Variants in ZNF185 observed in about 807,000 individuals in gnomAD.
The protein encoded by ZNF185 is zinc finger protein 185.
In ZNF185, 56 loss-of-function variants were observed where a neutral mutation model predicts 58.6. That is an observed-to-expected ratio of 0.95 (90% CI 0.77 to 1.19). The LOEUF is 1.19. Ranked by LOEUF, ZNF185 falls within the 50% of genes most tolerant of loss-of-function variation. The pLI, the probability that ZNF185 is intolerant of heterozygous loss-of-function variation, is 0.00. For synonymous variants in ZNF185, 230 were observed against 215.9 expected (o/e 1.07, Z -0.57); for missense variants, 627 against 573.5 (o/e 1.09, Z -0.95).
rs945534515 is a variant in ZNF185, at chrX:152,937,952, C to G, written c.1122-122C>G. ...CCACACTAATGCCAGGACTGAGACA[C>G]CAGCCTTTACTGGAAGACACAGTTC... On this transcript the variant is annotated intron_variant, in intron 14 of 22. Transcript: ENST00000449285. 87 of 624,416 alleles carry G rather than the reference C, an allele frequency of 1.4e-4. 3 individuals carry two copies. The African/African-American group carries it at 1.5e-3, about 10-fold the overall frequency. 51.5% of individuals were successfully genotyped at this position (624,416 alleles called of 1,213,427 possible).
intron 16 of ZNF185, among the ~76,000 whole-genome samples, chrX:152,956,357 G>C (rs2048826446): frequency 8.9e-6 from 1 of 112,088 alleles, no homozygotes; most frequent in African/African-American, 3.2e-5. Context: ...ATCTGCACTT[G>C]ATATACATAT....
In ZNF185 at chrX:152,917,268, C is replaced by T; in HGVS notation, c.264-17C>T. On this transcript the variant is annotated splice_polypyrimidine_tract_variant and intron_variant, in intron 4 of 22. Coordinates refer to ENST00000449285, the Ensembl canonical transcript of ZNF185. ...CCCTCCAGGGAGCTCACCGGCATCT[C>T]CTGGGCTCTCTTTCAGGGGAGTGTT... 1 of 1,211,622 alleles carries T rather than the reference C, an allele frequency of 8.3e-7. No homozygotes were observed. Among genetic ancestry groups the T allele is most frequent in the South Asian group, 1.8e-5 (1 of 57,021 alleles).
At chrX:152,935,716 G>T (rs2046204514) in intron 14 of ZNF185, among the ~76,000 whole-genome samples, 1 of 112,385 alleles carries the variant, frequency 8.9e-6, no homozygotes, top group Non-Finnish European at 1.9e-5. Flanking sequence ...TGGTTTCAGA[G>T]GCCAGGGTCT....
chrX:152,913,849 G>A (rs1413086527), upstream of ZNF185, among the ~76,000 whole-genome samples: 1 of 112,088 alleles, frequency 8.9e-6, no homozygotes, highest in African/African-American at 3.2e-5. Flanking sequence ...CATCCTCACA[G>A]CAGTCCTGAA....
At chrX:152,972,459 C>A (rs782511607) in exon 23 of ZNF185, 4 of 110,292 alleles carry the variant, frequency 3.6e-5, no homozygotes, top group East Asian at 2.9e-4. Context: ...TATCCCCCCC[C>A]CCATGAAGTA....
intron 16 of ZNF185, among the ~76,000 whole-genome samples, chrX:152,951,340 A>T (rs1455657275): frequency 9.2e-6 from 1 of 108,344 alleles, no homozygotes; most frequent in Non-Finnish European, 1.9e-5. Context: ...TTTTTTGAAA[A>T]TCTTATAAAT....
intron 16 of ZNF185, among the ~76,000 whole-genome samples, chrX:152,955,899 T>TAA (rs77247991): frequency 3.4e-5 from 3 of 89,216 alleles, no homozygotes; most frequent in Non-Finnish European, 6.7e-5. Flanking sequence ...AGACTCCACC[T>TAA]AAAAAAAAAA....
chrX:152,953,197 A>G (rs1463441084), intron 16 of ZNF185, among the ~76,000 whole-genome samples: 2 of 111,701 alleles, frequency 1.8e-5, no homozygotes, highest in Non-Finnish European at 3.8e-5. Context: ...GAAAACTTCT[A>G]TCCAGGACGA....
chrX:152,935,933 C>G (rs782707179), intron 14 of ZNF185, among the ~76,000 whole-genome samples: 39 of 111,949 alleles, frequency 3.5e-4, no homozygotes, highest in Admixed American at 1.9e-4. Context: ...ACATTCCCCA[C>G]TAAATCCATA....
chrX:152,949,087 G>A (rs2048049080), intron 16 of ZNF185, among the ~76,000 whole-genome samples: 1 of 104,434 alleles, frequency 9.6e-6, no homozygotes, highest in Non-Finnish European at 2.0e-5. Flanking sequence ...GACGGAGAGG[G>A]AAGTGACAAT....
intron 22 of ZNF185, 47 bp downstream of exon 24, chrX:152,970,588 G>C: frequency 9.0e-7 from 1 of 1,113,196 alleles, no homozygotes; most frequent in Non-Finnish European, 1.2e-6. Flanking sequence ...GACTCATTAA[G>C]GAGTAGAGAT....
intron 11 of ZNF185, among the ~76,000 whole-genome samples, chrX:152,925,624 C>T (rs1940713096): frequency 9.0e-6 from 1 of 111,502 alleles, no homozygotes; most frequent in South Asian, 3.8e-4. Flanking sequence ...CTGATCCTGA[C>T]CCTGGAGGGC....
intron 14 of ZNF185, 133 bp downstream of exon 15, chrX:152,933,104 A>C: frequency 2.4e-6 from 1 of 411,362 alleles, no homozygotes; most frequent in East Asian, 4.3e-5. Context: ...CTTCTCCCAC[A>C]CTCCCACATT....
chrX:152,933,743 A>G (rs1475191810), intron 14 of ZNF185, among the ~76,000 whole-genome samples: 11 of 112,560 alleles, frequency 9.8e-5, no homozygotes, highest in Admixed American at 1.9e-4. Context: ...AAGAGCTACA[A>G]CCGCAAGATA....
rs1231896545 is a variant in ZNF185, at chrX:152,931,653, C to G, written c.918-19C>G. The G allele has an allele frequency of 8.4e-7, 1 of 1,185,829 alleles. No individual in the cohort carries two copies. The highest frequency in any genetic ancestry group is 2.3e-5 in the Admixed American group (1 of 44,176). Reference sequence around the variant, plus strand: ...TGAATGGCTGCTGCATGGTTAACTTCCATTTCTTTCCTCCATAGGTCTTCC... The same window carrying G: ...TGAATGGCTGCTGCATGGTTAACTTGCATTTCTTTCCTCCATAGGTCTTCC... On this transcript the variant is annotated intron_variant, in intron 12 of 22. Transcript: ENST00000449285.
intron 15 of ZNF185, among the ~76,000 whole-genome samples, chrX:152,940,493 A>G (rs1363873670): frequency 9.0e-6 from 1 of 110,648 alleles, no homozygotes. Context: ...CAATTGGTTG[A>G]AAGAGTTGTT....
In ZNF185 at chrX:152,945,348, T is replaced by TG; in HGVS notation, c.1295dup (p.Gln433ProfsTer27). 1 of 1,206,332 alleles carries TG rather than the reference T, an allele frequency of 8.3e-7. No homozygotes were observed. Among genetic ancestry groups the TG allele is most frequent in the South Asian group, 1.8e-5 (1 of 55,905 alleles). ...AGGAGAGGCCTGGAGCTCCAAGAGG[T>TG]GGCCAAGGAGACCCAGCTGTACCCG... On this transcript the variant is annotated frameshift_variant, in exon 16 of 23. Transcript: ENST00000449285. LOFTEE classifies it high-confidence loss of function.
intron 10 of ZNF185, 71 bp downstream of exon 11, chrX:152,922,327 TCA>T (rs1939902412): frequency 2.0e-6 from 2 of 1,013,670 alleles, no homozygotes; most frequent in Non-Finnish European, 2.7e-6. Context: ...CTGAGGAACC[TCA>T]GTCAGGGCAC....
chrX:152,941,846 G>T (rs986085761), intron 15 of ZNF185: 1 of 1,140,355 alleles, frequency 8.8e-7, no homozygotes, highest in African/African-American at 1.8e-5. Context: ...GTCTGAAGCC[G>T]CGGCCAGAGT....
Sources: allele counts gnomAD v4.1 joint callset (sites outside exome capture counted in the v4.1 genomes callset), GRCh38; gene constraint gnomAD v4.1.1; transcripts MANE v1.5; gene names NCBI Gene and HGNC (gene_info 2026-07-23, HGNC 2026-07-21).